ZDHHC14: variants seen among roughly 807,000 people sequenced by gnomAD.
The protein encoded by ZDHHC14 is palmitoyltransferase ZDHHC14.
ZDHHC14 carries 16 observed loss-of-function variants against 47.7 expected under a neutral mutation model. The ratio of observed to expected loss-of-function variants is 0.34; its 90% CI spans 0.23 to 0.51. The LOEUF (loss-of-function observed/expected upper bound fraction) is 0.51. Among genes scored for constraint, ZDHHC14 ranks in the 20% least tolerant of loss-of-function variants. ZDHHC14 has a pLI of 0.97. For synonymous variants in ZDHHC14, 293 were observed against 278.9 expected (o/e 1.05, Z -0.50); for missense variants, 515 against 662.5 (o/e 0.78, Z 2.44).
chr6:157,452,948 A>G (rs1019462031), intron 1 of ZDHHC14, among the ~76,000 whole-genome samples: 4 of 151,834 alleles, frequency 2.6e-5, no homozygotes, highest in Admixed American at 6.6e-5. Context: ...CAAATGATCC[A>G]CCCGCCTTGG....
intron 3 of ZDHHC14, among the ~76,000 whole-genome samples, chr6:157,611,466 A>C (rs1784747277): frequency 6.6e-6 from 1 of 152,126 alleles, no homozygotes; most frequent in Admixed American, 6.5e-5. Flanking sequence ...TTTTGGAGAG[A>C]GCATCCCTGG....
intron 1 of ZDHHC14, among the ~76,000 whole-genome samples, chr6:157,470,095 ACT>A (rs1415028969): frequency 1.2e-4 from 19 of 152,166 alleles, no homozygotes; most frequent in Non-Finnish European, 2.9e-5. Context: ...GCTATCAGGT[ACT>A]CTCTGATGAA....
At chr6:157,410,324 T>C (rs1221540807) in intron 1 of ZDHHC14, among the ~76,000 whole-genome samples, 3 of 152,146 alleles carry the variant, frequency 2.0e-5, no homozygotes, top group Non-Finnish European at 4.4e-5. Flanking sequence ...AAAAAATAAA[T>C]AGGGCTGGAA....
chr6:157,654,091 G>A (rs1777971863), intron 8 of ZDHHC14, among the ~76,000 whole-genome samples: 1 of 152,158 alleles, frequency 6.6e-6, no homozygotes, highest in Non-Finnish European at 1.5e-5. Context: ...GATCAGCCCT[G>A]TGTAAAATAG....
In ZDHHC14 at chr6:157,672,926, C is replaced by T. The variant is rs774961828; in HGVS notation, c.1271C>T (p.Ala424Val). ...CCCAACCTCGCCGAGGCCACGCTCGCGGACGTGATGCCCCGGAAAGATGAG... is the reference window on the plus strand; with the variant it reads ...CCCAACCTCGCCGAGGCCACGCTCGTGGACGTGATGCCCCGGAAAGATGAG... Reference protein sequence around the residue: ...SMPNLAEATLADVMPRKDEHM... With the variant: ...SMPNLAEATLVDVMPRKDEHM... Residue 424 changes from alanine (A) to valine (V), a missense_variant, in exon 9 of 9, where the codon GCG becomes GTG. Physicochemically the swap from Ala to Val is moderately conservative, Grantham distance 64 (BLOSUM62 0). Transcript: ENST00000359775. 3.0e-5 allele frequency: 48 copies of T among 1,602,502 alleles called. No individual in the cohort carries two copies. Among genetic ancestry groups the T allele is most frequent in the East Asian group, 6.8e-5 (3 of 44,374 alleles).
rs1241605842 is a variant in ZDHHC14, at chr6:157,502,300, A to G, written c.246-40285A>G. Among the ~76,000 whole-genome samples the G allele has an allele frequency of 6.6e-6, 1 of 152,238 alleles. No individual in the cohort carries two copies. Among genetic ancestry groups the G allele is most frequent in the Non-Finnish European group, 1.5e-5 (1 of 68,036 alleles). ...GCAAGAAGACCATTGCATGTAAGCAAGGACACCGTGACTGTATGTGAGCCA... is the reference window on the plus strand; with the variant it reads ...GCAAGAAGACCATTGCATGTAAGCAGGGACACCGTGACTGTATGTGAGCCA... On this transcript the variant is annotated intron_variant, in intron 1 of 8. Coordinates refer to ENST00000359775, the MANE Select transcript of ZDHHC14 (RefSeq NM_024630.3). The surrounding 1 kb of genome is among the most constrained non-coding windows in gnomAD (Gnocchi z 4.0).
At chr6:157,523,606 C>T (rs994815072) in intron 1 of ZDHHC14, among the ~76,000 whole-genome samples, 4 of 151,908 alleles carry the variant, frequency 2.6e-5, no homozygotes, top group African/African-American at 9.7e-5. Context: ...CATTAAAAAA[C>T]AAAGATTAGC....
chr6:157,614,765 ATGTTTTTTTTT>A (rs373983224), intron 3 of ZDHHC14, among the ~76,000 whole-genome samples: 4,831 of 139,026 alleles, frequency 0.035, 272 homozygotes, highest in African/African-American at 0.13. Flanking sequence ...GAAACTCTTC[ATGTTTTTTTTT>A]TGTTTTTTTT....
chr6:157,448,603 C>T (rs1434409930), intron 1 of ZDHHC14, among the ~76,000 whole-genome samples: 1 of 152,212 alleles, frequency 6.6e-6, no homozygotes, highest in Non-Finnish European at 1.5e-5. Context: ...GTGAACAATA[C>T]ATGTGATCTT....
chr6:157,539,061 T>C (rs1781649839), intron 1 of ZDHHC14, among the ~76,000 whole-genome samples: 1 of 152,002 alleles, frequency 6.6e-6, no homozygotes, highest in South Asian at 2.1e-4. Context: ...TGATTGGAGC[T>C]GGCGGTGGTG....
At chr6:157,617,480 G>A (rs943280162) in intron 3 of ZDHHC14, among the ~76,000 whole-genome samples, 1 of 152,144 alleles carries the variant, frequency 6.6e-6, no homozygotes, top group African/African-American at 2.4e-5. Context: ...GTTGGGTCCT[G>A]CTCATAGACA....
In ZDHHC14 at chr6:157,634,423, C is replaced by A. The variant is rs140059156; in HGVS notation, c.752+1541C>A. 3.9e-5 allele frequency among the ~76,000 whole-genome samples: 6 copies of A among 152,306 alleles called. No individual in the cohort carries two copies. The East Asian group carries it at 1.2e-3, about 29-fold the overall frequency. On this transcript the variant is annotated intron_variant, in intron 5 of 8. Coordinates refer to ENST00000359775, the MANE Select transcript of ZDHHC14 (RefSeq NM_024630.3). ...AGGATCAGGTCCAGCGAGAAATGTC[C>A]TCCTCCGTTCCTCTCCCCAACTCTA...
At chr6:157,420,615 C>T (rs4708795) in intron 1 of ZDHHC14, among the ~76,000 whole-genome samples, 123,010 of 152,150 alleles carry the variant, frequency 0.81, 50,069 homozygotes, top group Middle Eastern at 0.93. Flanking sequence ...ATTACCAGTG[C>T]GACTGAGTGG....
chr6:157,551,015 G>A (rs1160169573), intron 2 of ZDHHC14, among the ~76,000 whole-genome samples: 1 of 152,194 alleles, frequency 6.6e-6, no homozygotes, highest in African/African-American at 2.4e-5. Flanking sequence ...GTGGTGTAGT[G>A]GGGAGTAAAG....
At chr6:157,568,859 C>T (rs1783001988) in intron 2 of ZDHHC14, among the ~76,000 whole-genome samples, 1 of 152,096 alleles carries the variant, frequency 6.6e-6, no homozygotes, top group Admixed American at 6.5e-5. Flanking sequence ...AAATCACAAA[C>T]TTTAAAAAAT....
At chr6:157,391,607 T>C (rs1244819036) in intron 1 of ZDHHC14, among the ~76,000 whole-genome samples, 1 of 152,204 alleles carries the variant, frequency 6.6e-6, no homozygotes, top group African/African-American at 2.4e-5. Context: ...ATATGGCCAT[T>C]AATGTGGGTT....
chr6:157,455,521 T>C (rs1778892168), intron 1 of ZDHHC14, among the ~76,000 whole-genome samples: 1 of 152,174 alleles, frequency 6.6e-6, no homozygotes, highest in African/African-American at 2.4e-5. Flanking sequence ...TTTCTCCAGG[T>C]CTTTCTTAAG....
intron 1 of ZDHHC14, among the ~76,000 whole-genome samples, chr6:157,485,393 G>A (rs1447250117): frequency 1.3e-5 from 2 of 152,218 alleles, no homozygotes; most frequent in African/African-American, 4.8e-5. Context: ...AGTTTGGAAT[G>A]TGATTTCTCT....
intron 1 of ZDHHC14, among the ~76,000 whole-genome samples, chr6:157,511,109 C>G (rs1452283034): frequency 9.2e-5 from 14 of 152,180 alleles, no homozygotes; most frequent in Non-Finnish European, 1.3e-4. Flanking sequence ...GACTCGGCTT[C>G]TAAGTCCGGC....
Sources: gnomAD v4.1 joint callset for allele counts (sites outside exome capture counted in the v4.1 genomes callset) on GRCh38, gnomAD v4.1.1 for gene constraint, Gnocchi (gnomAD v3.1) non-coding constraint, MANE v1.5 for transcripts, NCBI Gene and HGNC (gene_info 2026-07-23, HGNC 2026-07-21) for gene names.